Variants in TBCK observed in about 807,000 individuals in gnomAD.
TBCK encodes the protein TBC1 domain containing kinase.
In TBCK, 99 loss-of-function variants were observed where a neutral mutation model predicts 113.4. The observed-to-expected ratio is 0.87, with a 90% CI of 0.74 to 1.03. The LOEUF is 1.03. TBCK is among the 50% of genes least tolerant of loss of function. TBCK has a pLI of 0.00. For missense variants in TBCK, 1,045 were observed against 1,061.3 expected, an observed-to-expected ratio of 0.98 and a Z score of 0.21; for synonymous variants, 369 against 370.8, an observed-to-expected ratio of 1.00 and a Z score of 0.05.
Position 106,248,278 on chromosome 4 carries a change from A to G in TBCK, c.749T>C (p.Leu250Ser), listed in dbSNP as rs764437169. The change falls in exon 9 of 26, where the codon TTG becomes TCG. Residue 250 changes from leucine to serine, a missense_variant. Transcript: ENST00000394708. ...AGGATGGAAGGTAAGGCACTTATTC[A>G]AAAGATCTATCACAGTTTCAGGAAG... Reference protein sequence around the residue: ...KELPETVIDLLNKCLTFHPSK... With the variant: ...KELPETVIDLSNKCLTFHPSK... 6.3e-7 allele frequency: 1 copy of G among 1,597,754 alleles called. No individual in the cohort carries two copies. The highest frequency in any genetic ancestry group is 1.1e-5 in the South Asian group (1 of 87,490).
intron 25 of TBCK, among the ~76,000 whole-genome samples, chr4:106,090,960 T>G (rs1276467069): frequency 6.6e-6 from 1 of 152,340 alleles, no homozygotes; most frequent in Non-Finnish European, 1.5e-5. Flanking sequence ...TCCAAACTCT[T>G]TCAACCTCTG....
At chr4:106,051,799 G>A (rs1323884092) in intron 25 of TBCK, among the ~76,000 whole-genome samples, 1 of 151,778 alleles carries the variant, frequency 6.6e-6, no homozygotes, top group African/African-American at 2.4e-5. Flanking sequence ...GAATATAAAT[G>A]AAGTGCTGTC....
chr4:106,117,784 T>G lies in TBCK; in HGVS notation c.2236-1406A>C, dbSNP rs1193253676. On this transcript the variant is annotated intron_variant, in intron 23 of 25. Coordinates refer to ENST00000394708, the MANE Select transcript of TBCK (RefSeq NM_001163435.3). ...CAGCACTTTGGGAGGCTGAAGTGGG[T>G]GGATTACGAGGTCAGGAAATGGAGA... is the stretch of plus-strand genomic sequence containing the variant. 2.6e-5 allele frequency among the ~76,000 whole-genome samples: 4 copies of G among 152,046 alleles called. No homozygotes were observed. The South Asian group carries it at 8.3e-4, about 32-fold the overall frequency.
rs576506132 is a variant in TBCK at position 106,060,157 on chromosome 4, A to G, written c.2572-13477T>C. ...CAACAGGTACTAATGGAGAAACTGC[A>G]GTTATCCTATCCAGAATATCTAGCT... On this transcript the variant is annotated intron_variant, in intron 25 of 25. Transcript: ENST00000394708. Among the ~76,000 whole-genome samples, 56 of 15,284 alleles carry G rather than the reference A, an allele frequency of 3.7e-3. 3 individuals are homozygous for G. The South Asian group carries it at 0.04, about 11-fold the overall frequency. The allele number at this position is 15,284 out of a possible 152,430, so 10.0% of individuals were successfully genotyped here.
At chr4:106,219,799 A>G (rs994610174) in intron 19 of TBCK, among the ~76,000 whole-genome samples, 4 of 152,116 alleles carry the variant, frequency 2.6e-5, no homozygotes, top group African/African-American at 9.7e-5. Flanking sequence ...TTGGCCACCC[A>G]AAGTGCTGAG....
At chr4:106,217,641 C>T (rs892067692) in intron 19 of TBCK, among the ~76,000 whole-genome samples, 39 of 150,472 alleles carry the variant, frequency 2.6e-4, no homozygotes, top group African/African-American at 8.7e-4. Flanking sequence ...GAATAAAATA[C>T]CTAGGAATCC....
chr4:106,071,091 A>G (rs1184459722), intron 25 of TBCK, among the ~76,000 whole-genome samples: 1 of 151,854 alleles, frequency 6.6e-6, no homozygotes, highest in African/African-American at 2.4e-5. Flanking sequence ...TTGTTTCTCT[A>G]TCTCCTTCAG....
At position 106,155,439 on chromosome 4, in the gene TBCK, C is replaced by T. The variant is rs117080043; in HGVS notation, c.2235+15656G>A. Reference sequence around the variant, plus strand: ...CTCTGTAATAATTATCACTCATTAACATCCTTTTTATTCAAAGGGGTAATA... The same window carrying T: ...CTCTGTAATAATTATCACTCATTAATATCCTTTTTATTCAAAGGGGTAATA... On this transcript the variant is annotated intron_variant, in intron 23 of 25. Transcript: ENST00000394708. Among the ~76,000 whole-genome samples, 41 of 152,248 alleles carry T rather than the reference C, an allele frequency of 2.7e-4. No individual in the cohort carries two copies. In the East Asian group the frequency reaches 7.7e-3, roughly 29 times the overall value.
intron 24 of TBCK, among the ~76,000 whole-genome samples, chr4:106,114,640 C>G (rs556067319): frequency 3.3e-5 from 5 of 152,108 alleles, no homozygotes; most frequent in Non-Finnish European, 7.4e-5. Flanking sequence ...ATCCGTTGTT[C>G]GGCCAGGGTC....
intron 3 of TBCK, among the ~76,000 whole-genome samples, chr4:106,282,692 C>T (rs1764724635): frequency 1.3e-5 from 2 of 151,956 alleles, no homozygotes; most frequent in South Asian, 2.1e-4. Flanking sequence ...TCTCACATTG[C>T]TACAAATACC....
intron 24 of TBCK, among the ~76,000 whole-genome samples, chr4:106,097,194 T>A (rs1336441792): frequency 6.6e-6 from 1 of 152,218 alleles, no homozygotes; most frequent in Non-Finnish European, 1.5e-5. Context: ...TCACAAAATA[T>A]GACGGCAACA....
At chr4:106,278,354 T>TA (rs1402450235) in intron 3 of TBCK, among the ~76,000 whole-genome samples, 1 of 151,894 alleles carries the variant, frequency 6.6e-6, no homozygotes, top group Non-Finnish European at 1.5e-5. Context: ...ACTCAGGAGT[T>TA]AGAGACCAGT....
chr4:106,049,944 T>C (rs539903255), intron 25 of TBCK, among the ~76,000 whole-genome samples: 4 of 152,158 alleles, frequency 2.6e-5, no homozygotes, highest in African/African-American at 4.8e-5. Flanking sequence ...AGTCATTTAA[T>C]TAGATAATGG....
At chr4:106,210,290 C>T (rs988614933) in intron 20 of TBCK, among the ~76,000 whole-genome samples, 1 of 152,104 alleles carries the variant, frequency 6.6e-6, no homozygotes, top group Non-Finnish European at 1.5e-5. Flanking sequence ...TAATCCACTA[C>T]ATATGCAGGT....
At chr4:106,261,621 A>C (rs72893604) in intron 4 of TBCK, among the ~76,000 whole-genome samples, 4,080 of 152,150 alleles carry the variant, frequency 0.027, 175 homozygotes, top group African/African-American at 0.093. Context: ...TCCAGTAGAG[A>C]AACAGCACTT....
chr4:106,092,570 G>A (rs1483313519), intron 25 of TBCK, among the ~76,000 whole-genome samples: 3 of 152,242 alleles, frequency 2.0e-5, no homozygotes, highest in African/African-American at 7.2e-5. Context: ...AAGGCCCGGT[G>A]AGAAATCAAG....
intron 25 of TBCK, among the ~76,000 whole-genome samples, chr4:106,060,642 T>G (rs1169339553): frequency 6.6e-6 from 1 of 151,742 alleles, no homozygotes; most frequent in Non-Finnish European, 1.5e-5. Flanking sequence ...TCTAACACAT[T>G]TTGCAATCCA....
chr4:106,240,432 G>A (rs1759965724), intron 12 of TBCK, among the ~76,000 whole-genome samples: 1 of 151,452 alleles, frequency 6.6e-6, no homozygotes, highest in African/African-American at 2.4e-5. Context: ...AAAACCACAG[G>A]GAATCTATAG....
chr4:106,236,702 T>A, intron 13 of TBCK, 57 bp downstream of exon 13: 1 of 1,078,648 alleles, frequency 9.3e-7, no homozygotes, highest in South Asian at 2.5e-5. Flanking sequence ...AAAATTCTTA[T>A]AAATCTAATA....
Sources: allele counts gnomAD v4.1 joint callset (sites outside exome capture counted in the v4.1 genomes callset), GRCh38; gene constraint gnomAD v4.1.1; transcripts MANE v1.5; gene names NCBI Gene and HGNC (gene_info 2026-07-23, HGNC 2026-07-21).